LRCH2: variants seen among roughly 807,000 people sequenced by gnomAD.
LRCH2 encodes leucine-rich repeat and calponin homology domain-containing protein 2.
In LRCH2, 38 loss-of-function variants were observed where a neutral mutation model predicts 68.9. The ratio of observed to expected loss-of-function variants is 0.55; its 90% CI spans 0.43 to 0.72. The LOEUF (loss-of-function observed/expected upper bound fraction) is 0.72. Ranked by LOEUF, LRCH2 falls within the 30% of genes least tolerant of loss-of-function variation. The pLI, the probability that LRCH2 is intolerant of heterozygous loss-of-function variation, is 0.00. For missense variants in LRCH2, 528 were observed against 572.9 expected (o/e 0.92, Z 0.80); for synonymous variants, 191 against 208.1 (o/e 0.92, Z 0.71).
At chrX:115,164,195 A>G (rs1038311796) in intron 10 of LRCH2, among the ~76,000 whole-genome samples, 2 of 111,727 alleles carry the variant, frequency 1.8e-5, no homozygotes, top group African/African-American at 6.5e-5. Context: ...TGTTTTTATC[A>G]GTTTATTGAT....
chrX:115,223,163 T>C (rs2147366062), intron 1 of LRCH2, among the ~76,000 whole-genome samples: 1 of 110,993 alleles, frequency 9.0e-6, no homozygotes, highest in South Asian at 3.8e-4. Context: ...ACCCTGATCT[T>C]ACATGACACA....
chrX:115,133,130 T>A (rs2072260261), intron 14 of LRCH2, among the ~76,000 whole-genome samples: 2 of 112,045 alleles, frequency 1.8e-5, no homozygotes, highest in Admixed American at 9.5e-5. Context: ...AAACGAACTG[T>A]ACATTGCACA....
At chrX:115,199,431 C>T (rs1569516495) in intron 1 of LRCH2, among the ~76,000 whole-genome samples, 2 of 111,963 alleles carry the variant, frequency 1.8e-5, no homozygotes, top group Non-Finnish European at 3.8e-5. Context: ...TGTAAAGACA[C>T]ATATAGACCA....
At chrX:115,156,154 G>A (rs2072473156) in intron 12 of LRCH2, among the ~76,000 whole-genome samples, 1 of 111,333 alleles carries the variant, frequency 9.0e-6, no homozygotes, top group Non-Finnish European at 1.9e-5. Context: ...CCATCAAAAA[G>A]AATAAATAGA....
At chrX:115,160,099 C>T (rs1308852607) in intron 11 of LRCH2, among the ~76,000 whole-genome samples, 2 of 110,706 alleles carry the variant, frequency 1.8e-5, no homozygotes, top group African/African-American at 3.3e-5. Flanking sequence ...GGGCAGATCA[C>T]GAGGTCAGCA....
At chrX:115,136,633 C>G (rs1361592136) in intron 14 of LRCH2, among the ~76,000 whole-genome samples, 1 of 111,077 alleles carries the variant, frequency 9.0e-6, no homozygotes, top group East Asian at 2.8e-4. Context: ...AATGGGCATT[C>G]TCAGAAGAAG....
chrX:115,119,097 G>C (rs2072111633), intron 20 of LRCH2, among the ~76,000 whole-genome samples: 1 of 110,918 alleles, frequency 9.0e-6, no homozygotes. Context: ...CATTCCCTTT[G>C]AAAACTGGCA....
chrX:115,126,188 T>A (rs2072198994), intron 16 of LRCH2: 1 of 111,928 alleles, frequency 8.9e-6, no homozygotes, highest in East Asian at 2.8e-4. Flanking sequence ...TAGAATTTTT[T>A]AAATTTATCT....
intron 11 of LRCH2, among the ~76,000 whole-genome samples, chrX:115,160,956 T>C (rs1462950329): frequency 8.9e-6 from 1 of 112,440 alleles, no homozygotes; most frequent in Non-Finnish European, 1.9e-5. Flanking sequence ...GAAAAAATAT[T>C]AGATTTAGCA....
At chrX:115,206,337 C>G (rs2072966649) in intron 1 of LRCH2, among the ~76,000 whole-genome samples, 1 of 112,430 alleles carries the variant, frequency 8.9e-6, no homozygotes, top group Non-Finnish European at 1.9e-5. Context: ...GGCCCCAAAA[C>G]TGGCCATAAA....
chrX:115,122,860 T>C lies in LRCH2; in HGVS notation c.2000A>G (p.Asp667Gly). 1 of 1,209,087 alleles carries C rather than the reference T, an allele frequency of 8.3e-7. No individual in the cohort carries two copies. Among genetic ancestry groups the C allele is most frequent in the Non-Finnish European group, 1.1e-6 (1 of 894,061 alleles). Residue 667 changes from aspartate (D) to glycine (G), a missense_variant, in exon 19 of 21, where the codon GAC (aspartate) becomes GGC (glycine). By Grantham distance (94) the Asp-to-Gly change is moderately conservative. Transcript: ENST00000317135. ...ESRLKVILPD[D>G]IGAALMDGVV... is the part of the protein sequence containing the mutation. ...CCCATCCATCAGTGCAGCTCCAATG[T>C]CATCAGGCAAAATTACTTTTAACCT...
chrX:115,171,415 T>C (rs1332253617), intron 5 of LRCH2, among the ~76,000 whole-genome samples: 3 of 111,212 alleles, frequency 2.7e-5, no homozygotes, highest in Non-Finnish European at 3.8e-5. Context: ...TAAATATCAT[T>C]GATTTTTCTA....
intron 1 of LRCH2, among the ~76,000 whole-genome samples, chrX:115,225,626 G>A (rs2073113630): frequency 9.0e-6 from 1 of 111,512 alleles, no homozygotes; most frequent in African/African-American, 3.3e-5. Flanking sequence ...TTACAAATTT[G>A]TCCATCAAAA....
chrX:115,152,877 T>C (rs1014118495), intron 12 of LRCH2, among the ~76,000 whole-genome samples: 2 of 110,908 alleles, frequency 1.8e-5, no homozygotes, highest in African/African-American at 6.6e-5. Flanking sequence ...AAGGACACAT[T>C]AGGCAAAGTA....
At chrX:115,183,064 GCACA>G (rs1315243649) in intron 3 of LRCH2, among the ~76,000 whole-genome samples, 3 of 107,938 alleles carry the variant, frequency 2.8e-5, no homozygotes, top group Middle Eastern at 4.8e-3. Context: ...GCACACGCAC[GCACA>G]CGCACACACA....
intron 11 of LRCH2, among the ~76,000 whole-genome samples, chrX:115,162,071 CACCA>C (rs1187242308): frequency 1.8e-5 from 2 of 108,529 alleles, no homozygotes; most frequent in African/African-American, 6.7e-5. Flanking sequence ...AGGTGCACAC[CACCA>C]TGCCCGGCTA....
At chrX:115,191,908 G>C in intron 1 of LRCH2, 1 of 1,166,554 alleles carries the variant, frequency 8.6e-7, no homozygotes, top group Non-Finnish European at 1.1e-6. Flanking sequence ...GGAGAACCGA[G>C]GTCACTCTCT....
At chrX:115,126,572 C>CA in intron 16 of LRCH2, 1 of 203,918 alleles carries the variant, frequency 4.9e-6, no homozygotes, top group Non-Finnish European at 9.0e-6. Context: ...CAGACACTTC[C>CA]AAAAATCACT....
rs375362198 is a variant in LRCH2 at position 115,118,370 on chromosome X, C to A, written c.2178+4157G>T. Among the ~76,000 whole-genome samples the A allele has an allele frequency of 5.5e-5, 6 of 109,777 alleles. No individual in the cohort carries two copies. The South Asian group carries it at 2.0e-3, about 36-fold the overall frequency. On this transcript the variant is annotated intron_variant, in intron 20 of 20. Coordinates refer to ENST00000317135, the MANE Select transcript of LRCH2 (RefSeq NM_020871.4). ...GATCCCACAGAAAAACGAACTACCA[C>A]CAGAGAATACTACAAACACCTCTAC...
Sources: gnomAD v4.1 joint callset for allele counts (sites outside exome capture counted in the v4.1 genomes callset) on GRCh38, gnomAD v4.1.1 for gene constraint, MANE v1.5 for transcripts, NCBI Gene and HGNC (gene_info 2026-07-23, HGNC 2026-07-21) for gene names.